The following MAP3K15 variants were observed in gnomAD, a reference collection of about 807,000 sequenced individuals.
MAP3K15 encodes the protein mitogen-activated protein kinase kinase kinase 15.
In MAP3K15, 124 loss-of-function variants were observed where a neutral mutation model predicts 99.5. The ratio of observed to expected loss-of-function variants is 1.25; its 90% CI spans 1.08 to 1.45. The LOEUF is 1.45. Among genes scored for constraint, MAP3K15 ranks in the 40% most tolerant of loss-of-function variants. MAP3K15 has a pLI of 0.00. For synonymous variants in MAP3K15, 494 were observed against 439.6 expected, an observed-to-expected ratio of 1.12 and a Z score of -1.55; for missense variants, 1,242 against 1,079.7, an observed-to-expected ratio of 1.15 and a Z score of -2.11.
At chrX:19,503,298 C>T (rs746283704) in intron 1 of MAP3K15, among the ~76,000 whole-genome samples, 5 of 111,654 alleles carry the variant, frequency 4.5e-5, no homozygotes, top group Non-Finnish European at 7.5e-5. Flanking sequence ...GCATGCAAAA[C>T]GTATGTGCTG....
At chrX:19,509,237 C>A (rs1001822169) in intron 1 of MAP3K15, among the ~76,000 whole-genome samples, 4 of 111,573 alleles carry the variant, frequency 3.6e-5, no homozygotes, top group African/African-American at 1.3e-4. Context: ...ATACTTGGGC[C>A]GAAGCAGACC....
chrX:19,427,790 T>G (rs1163336199), intron 7 of MAP3K15, among the ~76,000 whole-genome samples: 1 of 111,277 alleles, frequency 9.0e-6, no homozygotes, highest in African/African-American at 3.3e-5. Context: ...AAATATTAAT[T>G]CTTGAAAGGA....
chrX:19,373,446 C>A, intron 21 of MAP3K15, 90 bp downstream of exon 21: 1 of 1,055,726 alleles, frequency 9.5e-7, no homozygotes, highest in Non-Finnish European at 1.3e-6. Flanking sequence ...CCCTCAGTGG[C>A]CATCTGGTTG....
Position 19,472,459 on chromosome X carries a change from G to A in MAP3K15, c.526-8053C>T, listed in dbSNP as rs898932329. ...CAGAAAATGATGTTTATAATCATGT[G>A]TTGCGGCTTATACAGAAATGTAATA... On this transcript the variant is annotated intron_variant, in intron 3 of 28. Coordinates refer to ENST00000338883, the MANE Select transcript of MAP3K15 (RefSeq NM_001001671.4). Among the ~76,000 whole-genome samples the A allele has an allele frequency of 3.6e-5, 4 of 111,038 alleles. 1 individual carries two copies. The highest frequency in any genetic ancestry group is 1.3e-4 in the African/African-American group (4 of 30,547).
chrX:19,415,027 C>T, intron 10 of MAP3K15, 80 bp downstream of exon 10: 1 of 867,220 alleles, frequency 1.2e-6, no homozygotes, highest in Non-Finnish European at 1.6e-6. Context: ...TTCTTCAGTT[C>T]AGAGTATTCA....
rs964656939 is a variant in MAP3K15 at position 19,500,609 on chromosome X, C to T, written c.362-11642G>A. ...CCTCCCCAAACCAAGCCCCAACAAC[C>T]GCCAGGCATTTCTGCCAGTCCCATC... is the stretch of plus-strand genomic sequence containing the variant. On this transcript the variant is annotated intron_variant, in intron 1 of 28. Coordinates refer to ENST00000338883, the MANE Select transcript of MAP3K15 (RefSeq NM_001001671.4). Among the ~76,000 whole-genome samples, 6 of 111,638 alleles carry T rather than the reference C, an allele frequency of 5.4e-5. No individual in the cohort carries two copies. In the East Asian group the frequency reaches 1.1e-3, roughly 21 times the overall value.
In MAP3K15 at chrX:19,415,174, C is replaced by T. The variant is rs190743895; in HGVS notation, c.1523G>A (p.Arg508Gln). ...AATTATATCTAACCAGAAGTTCAGC[C>T]GCTCTTGCCTGGGCGAGTGTTCAAT... The part of the protein sequence containing the change: ...TIIEHSPRQE[R>Q]LNFWLDIIFE... The change falls in exon 10 of 29, where the codon CGG becomes CAG. Residue 508 changes from arginine to glutamine, a missense_variant. Physicochemically the swap from Arg to Gln is conservative, Grantham distance 43 (BLOSUM62 1). Transcript: ENST00000338883. 75 of 1,177,155 alleles carry T rather than the reference C, an allele frequency of 6.4e-5. No homozygotes were observed. The Admixed American group carries it at 7.8e-4, about 12-fold the overall frequency.
At position 19,505,017 on chromosome X, in the gene MAP3K15, G is replaced by C. The variant is rs114508981; in HGVS notation, c.361+9884C>G. Among the ~76,000 whole-genome samples, 662 of 106,523 alleles carry C rather than the reference G, an allele frequency of 6.2e-3. 7 individuals carry two copies. The highest frequency in any genetic ancestry group is 0.027 in the South Asian group (65 of 2,418). The allele number at this position is 106,523 out of a possible 115,157, so 92.5% of individuals were successfully genotyped here. On this transcript the variant is annotated intron_variant, in intron 1 of 28. Transcript: ENST00000338883. Reference sequence around the variant, plus strand: ...GCCAAACAGGTATAGGGTTCCTACAGCACCAAACCTCTTATTTTTTGAAAG... The same window carrying C: ...GCCAAACAGGTATAGGGTTCCTACACCACCAAACCTCTTATTTTTTGAAAG...
At chrX:19,402,819 C>T (rs2063618069) in intron 13 of MAP3K15, among the ~76,000 whole-genome samples, 1 of 111,110 alleles carries the variant, frequency 9.0e-6, no homozygotes, top group Non-Finnish European at 1.9e-5. Flanking sequence ...CGCACACCAC[C>T]ACGCCCAGCT....
intron 18 of MAP3K15, among the ~76,000 whole-genome samples, chrX:19,382,886 G>C (rs1298008698): frequency 8.9e-6 from 1 of 112,337 alleles, no homozygotes; most frequent in Non-Finnish European, 1.9e-5. Context: ...TCTGCTCTGT[G>C]ATGCTGAGTC....
At chrX:19,410,042 T>G in intron 11 of MAP3K15, 69 bp from the exon 12 acceptor site, 1 of 945,307 alleles carries the variant, frequency 1.1e-6, no homozygotes, top group Non-Finnish European at 1.5e-6. Flanking sequence ...TTTGTTTCAT[T>G]CTATGGTCAA....
intron 3 of MAP3K15, among the ~76,000 whole-genome samples, chrX:19,468,725 G>A (rs747644544): frequency 0.023 from 2,557 of 111,508 alleles, 78 homozygotes; most frequent in African/African-American, 0.08. Context: ...CCATTTTCAC[G>A]ATATTGATTC....
chrX:19,485,930 T>C (rs977632162), intron 3 of MAP3K15, among the ~76,000 whole-genome samples: 4 of 111,644 alleles, frequency 3.6e-5, no homozygotes, highest in Non-Finnish European at 7.5e-5. Context: ...CATTATACTA[T>C]TCAAACCAAC....
At chrX:19,424,404 T>C (rs1022520884) in intron 9 of MAP3K15, among the ~76,000 whole-genome samples, 5 of 109,865 alleles carry the variant, frequency 4.6e-5, no homozygotes, top group African/African-American at 1.7e-4. Flanking sequence ...CTAACGGAGC[T>C]TCATGTCTAT....
At chrX:19,485,807 A>G (rs1007356650) in intron 3 of MAP3K15, among the ~76,000 whole-genome samples, 3 of 111,286 alleles carry the variant, frequency 2.7e-5, no homozygotes, top group African/African-American at 9.8e-5. Context: ...TCAAACCACA[A>G]TGCCATAGGT....
chrX:19,480,588 G>A (rs1183883605), intron 3 of MAP3K15, among the ~76,000 whole-genome samples: 1 of 105,190 alleles, frequency 9.5e-6, no homozygotes, highest in Non-Finnish European at 1.9e-5. Context: ...GCCAAGGCAG[G>A]TGGATCACCT....
chrX:19,494,310 G>C (rs935838670), intron 1 of MAP3K15, among the ~76,000 whole-genome samples: 1 of 111,124 alleles, frequency 9.0e-6, no homozygotes, highest in Non-Finnish European at 1.9e-5. Flanking sequence ...GAGAGAGAGA[G>C]AGGAGGAGGG....
chrX:19,372,696 T>C lies in MAP3K15; in HGVS notation c.3065A>G (p.Glu1022Gly), dbSNP rs776692322. The C allele has an allele frequency of 5.0e-6, 6 of 1,211,001 alleles. No individual in the cohort carries two copies. The highest frequency in any genetic ancestry group is 3.0e-5 in the East Asian group (1 of 33,779). ...CAGGTTGGAAGCCACCTGGTTCTGCTCCTCCCAGAGGATTTTGTACAGGAT... is the reference window on the plus strand; with the variant it reads ...CAGGTTGGAAGCCACCTGGTTCTGCCCCTCCCAGAGGATTTTGTACAGGAT... ...RAILYKILWE[E>G]QNQVASNLQE... Residue 1022 changes from glutamate to glycine, a missense_variant, in exon 22 of 29, where the codon GAG becomes GGG. Physicochemically the swap from Glu to Gly is moderately conservative, Grantham distance 98 (BLOSUM62 -2). Coordinates refer to ENST00000338883, the MANE Select transcript of MAP3K15 (RefSeq NM_001001671.4).
At chrX:19,467,812 G>C (rs1327140800) in intron 3 of MAP3K15, among the ~76,000 whole-genome samples, 3 of 108,764 alleles carry the variant, frequency 2.8e-5, no homozygotes, top group African/African-American at 1.0e-4. Flanking sequence ...ATGGGCAACA[G>C]AGCAAGACTC....
Sources: gnomAD v4.1 joint callset for allele counts (sites outside exome capture counted in the v4.1 genomes callset) on GRCh38, gnomAD v4.1.1 for gene constraint, MANE v1.5 for transcripts, NCBI Gene and HGNC (gene_info 2026-07-23, HGNC 2026-07-21) for gene names.